Variants in LAMA3 observed in about 807,000 individuals in gnomAD.
LAMA3 encodes the protein laminin subunit alpha 3.
LAMA3 carries 281 observed loss-of-function variants against 402.0 expected under a neutral mutation model. The observed-to-expected ratio is 0.70, with a 90% CI of 0.63 to 0.77. The LOEUF (loss-of-function observed/expected upper bound fraction) is 0.77. LAMA3 is among the 30% of genes least tolerant of loss of function. The pLI, the probability that LAMA3 is intolerant of heterozygous loss-of-function variation, is 0.00. For synonymous variants in LAMA3, 1,431 were observed against 1,558.4 expected (o/e 0.92, Z 1.93); for missense variants, 3,840 against 4,215.5 (o/e 0.91, Z 2.47).
Position 23,839,874 on chromosome 18 carries a change from A to C in LAMA3, c.3281A>C (p.Gln1094Pro). Residue 1094 changes from glutamine to proline, a missense_variant, in exon 27 of 75, where the codon CAG (glutamine) becomes CCG (proline). By Grantham distance (76) the Gln-to-Pro change is moderately conservative. Coordinates refer to ENST00000313654, the MANE Select transcript of LAMA3 (RefSeq NM_198129.4). The surrounding 1 kb of genome is among the most constrained non-coding windows in gnomAD (Gnocchi z 4.5). ...LSGRPFPHLP[Q>P]QSSPSVDVLP... is the part of the protein sequence containing the mutation. Reference sequence around the variant, plus strand: ...GGCAGGCCTTTCCCTCACCTGCCCCAGCAGTCGTCACCTTCTGTTGATGTT... The same window carrying C: ...GGCAGGCCTTTCCCTCACCTGCCCCCGCAGTCGTCACCTTCTGTTGATGTT... 6.2e-7 allele frequency: 1 copy of C among 1,614,210 alleles called. No homozygotes were observed. Among genetic ancestry groups the C allele is most frequent in the Non-Finnish European group, 8.5e-7 (1 of 1,180,034 alleles).
chr18:23,838,674 T>C lies in LAMA3; in HGVS notation c.3094-107T>C, dbSNP rs1447200178. 4 of 719,476 alleles carry C rather than the reference T, an allele frequency of 5.6e-6. No individual in the cohort carries two copies. The African/African-American group carries it at 7.0e-5, about 13-fold the overall frequency. 44.6% of individuals were successfully genotyped at this position (719,476 alleles called of 1,614,324 possible). On this transcript the variant is annotated intron_variant, in intron 25 of 74. Coordinates refer to ENST00000313654, the MANE Select transcript of LAMA3 (RefSeq NM_198129.4). ...TTTAAAATAACGATTAGAATTATTA[T>C]GGATAAATCCTTTACTTAATAGCTT... is the stretch of plus-strand genomic sequence containing the variant.
chr18:23,903,653 A>G (rs1345863132), intron 49 of LAMA3, among the ~76,000 whole-genome samples: 4 of 152,220 alleles, frequency 2.6e-5, no homozygotes, highest in Admixed American at 2.6e-4. Context: ...TCTTTGGTTT[A>G]CTACAACTTT....
chr18:23,910,148 T>C (rs1383355349), intron 55 of LAMA3, among the ~76,000 whole-genome samples: 1 of 152,256 alleles, frequency 6.6e-6, no homozygotes, highest in Non-Finnish European at 1.5e-5. Flanking sequence ...CCTTCTGTGT[T>C]CATTCACTAA....
intron 24 of LAMA3, 115 bp downstream of exon 24, chr18:23,834,103 A>T: frequency 8.1e-7 from 1 of 1,231,018 alleles, no homozygotes; most frequent in African/African-American, 1.5e-5. Context: ...GCAGCTCTTG[A>T]AAACAAGCAG....
intron 7 of LAMA3, among the ~76,000 whole-genome samples, chr18:23,761,018 G>A (rs901451593): frequency 2.6e-5 from 4 of 152,018 alleles, no homozygotes; most frequent in African/African-American, 4.8e-5. Context: ...ACAAGCGTTC[G>A]GACCATAGCA....
intron 2 of LAMA3, among the ~76,000 whole-genome samples, chr18:23,737,735 C>T (rs1198955997): frequency 1.3e-5 from 2 of 152,238 alleles, no homozygotes; most frequent in African/African-American, 4.8e-5. Context: ...TCAGAGGATT[C>T]CTGCTGCAGG....
Position 23,857,834 on chromosome 18 carries a change from T to C in LAMA3, c.4137-10T>C. The stretch of plus-strand genomic sequence containing the variant: ...GATGATGATTTTTGCTTCCTTTACT[T>C]TGTGTACAGATGCAAGCCCAGAATC... On this transcript the variant is annotated splice_polypyrimidine_tract_variant and intron_variant, in intron 32 of 74. Transcript: ENST00000313654. The C allele has an allele frequency of 6.2e-7, 1 of 1,614,220 alleles. No individual in the cohort carries two copies. The highest frequency in any genetic ancestry group is 8.5e-7 in the Non-Finnish European group (1 of 1,180,030).
At chr18:23,811,109 C>T (rs1416740021) in intron 13 of LAMA3, among the ~76,000 whole-genome samples, 2 of 152,072 alleles carry the variant, frequency 1.3e-5, no homozygotes, top group African/African-American at 4.8e-5. Flanking sequence ...GAAAACCAAG[C>T]CTGCAGCTGT....
At chr18:23,943,066 C>A (rs2082579656) in intron 68 of LAMA3, among the ~76,000 whole-genome samples, 1 of 152,182 alleles carries the variant, frequency 6.6e-6, no homozygotes, top group Admixed American at 6.5e-5. Context: ...TAAATCACAT[C>A]CTTGTTATTC....
At chr18:23,898,929 G>T (rs1360383870) in intron 45 of LAMA3, 25 bp from the exon 46 acceptor site, 9 of 1,595,588 alleles carry the variant, frequency 5.6e-6, no homozygotes, top group Non-Finnish European at 7.7e-6. Flanking sequence ...TTAATTTGCT[G>T]CTAATCAATT....
intron 37 of LAMA3, among the ~76,000 whole-genome samples, chr18:23,870,246 T>A (rs2064478154): frequency 6.6e-6 from 1 of 151,948 alleles, no homozygotes. Context: ...GAGGTTGTAG[T>A]GAGCTGAGAT....
In LAMA3 at chr18:23,819,903, G is replaced by A; in HGVS notation, c.2210G>A (p.Ser737Asn). Residue 737 changes from serine to asparagine, a missense_variant, in exon 19 of 75, where the codon AGC (serine) becomes AAC (asparagine). This residue lies in a region of LAMA3 where 2,109 missense variants were observed against 2,376.0 expected (regional missense o/e 0.89). Transcript: ENST00000313654. ...HHMKYEIEDG[S>N]TPNGRDLRFG... is the part of the protein sequence containing the mutation. ...ATGAAGTATGAGATTGAAGACGGCA[G>A]CACACCTAATGGGAGAGACCTTCGA... 1 of 1,614,020 alleles carries A rather than the reference G, an allele frequency of 6.2e-7. No individual in the cohort carries two copies.
intron 7 of LAMA3, among the ~76,000 whole-genome samples, chr18:23,759,222 AG>A (rs1020370055): frequency 1.3e-5 from 2 of 151,444 alleles, no homozygotes; most frequent in Non-Finnish European, 2.9e-5. Context: ...CTGTAGTCCC[AG>A]CTACTTGGGA....
At chr18:23,810,758 A>G (rs1180183952) in intron 13 of LAMA3, among the ~76,000 whole-genome samples, 2 of 152,202 alleles carry the variant, frequency 1.3e-5, no homozygotes, top group Non-Finnish European at 2.9e-5. Context: ...TGTGCTATAC[A>G]TGTGGGTTTC....
intron 13 of LAMA3, among the ~76,000 whole-genome samples, chr18:23,812,421 A>G (rs1462793685): frequency 1.3e-5 from 2 of 152,202 alleles, no homozygotes; most frequent in East Asian, 3.9e-4. Flanking sequence ...CAATAGGGTT[A>G]AGGAACAATT....
intron 20 of LAMA3, among the ~76,000 whole-genome samples, chr18:23,823,253 T>G (rs1240080042): frequency 6.6e-6 from 1 of 152,134 alleles, no homozygotes. Flanking sequence ...CTTGGCAAAC[T>G]GAGGAGAGTT....
chr18:23,824,673 G>T, intron 21 of LAMA3, 108 bp downstream of exon 21: 1 of 1,292,884 alleles, frequency 7.7e-7, no homozygotes, highest in Non-Finnish European at 1.1e-6. Flanking sequence ...ACAATCATTG[G>T]TGGTTTTAGA....
At chr18:23,765,504 A>G (rs2062057447) in intron 8 of LAMA3, among the ~76,000 whole-genome samples, 1 of 152,190 alleles carries the variant, frequency 6.6e-6, no homozygotes, top group African/African-American at 2.4e-5. Context: ...GAGGAATGCT[A>G]ATGGATTTGG....
At chr18:23,815,342 C>T in intron 16 of LAMA3, 102 bp downstream of exon 16, 1 of 1,344,484 alleles carries the variant, frequency 7.4e-7, no homozygotes, top group Non-Finnish European at 1.1e-6. Context: ...TTCTACAGTG[C>T]ATGGTAATCC....
Sources: gnomAD v4.1 joint callset for allele counts (sites outside exome capture counted in the v4.1 genomes callset) on GRCh38, gnomAD v4.1.1 for gene constraint, gnomAD v4.1.1 regional missense constraint, Gnocchi (gnomAD v3.1) non-coding constraint, MANE v1.5 for transcripts, NCBI Gene and HGNC (gene_info 2026-07-23, HGNC 2026-07-21) for gene names.